ZNF385D: variants seen among roughly 807,000 people sequenced by gnomAD.
ZNF385D encodes zinc finger protein 385D.
Under a neutral mutation model 35.8 loss-of-function variants are expected in ZNF385D, and 15 were observed. That is an observed-to-expected ratio of 0.42 (90% CI 0.28 to 0.64). The LOEUF (loss-of-function observed/expected upper bound fraction) is 0.64, where lower values mean the gene tolerates loss of function less well. Ranked by LOEUF, ZNF385D falls within the 30% of genes least tolerant of loss-of-function variation. ZNF385D has a pLI of 0.23. For synonymous variants in ZNF385D, 212 were observed against 186.8 expected (o/e 1.13, Z -1.10); for missense variants, 474 against 494.6 (o/e 0.96, Z 0.39).
chr3:22,179,437 G>A (rs971712768), intron 2 of ZNF385D, among the ~76,000 whole-genome samples: 2 of 152,250 alleles, frequency 1.3e-5, no homozygotes, highest in African/African-American at 4.8e-5. Flanking sequence ...CACTGATTTT[G>A]TATCCTGAGA....
At chr3:22,056,639 C>G (rs923025983) in intron 3 of ZNF385D, among the ~76,000 whole-genome samples, 1 of 152,178 alleles carries the variant, frequency 6.6e-6, no homozygotes, top group Non-Finnish European at 1.5e-5. Context: ...TGCAGTTTGA[C>G]AGTTTTAATT....
At chr3:21,678,645 C>T (rs9310652) in intron 1 of ZNF385D, among the ~76,000 whole-genome samples, 4 of 151,974 alleles carry the variant, frequency 2.6e-5, no homozygotes, top group Non-Finnish European at 4.4e-5. Context: ...TGCTTTTGAA[C>T]GGACATTAAT....
intron 6 of ZNF385D, among the ~76,000 whole-genome samples, chr3:21,424,300 T>TTTTTATATATATAC (rs1559435508): frequency 2.8e-5 from 2 of 70,476 alleles, no homozygotes; most frequent in African/African-American, 5.3e-5. Context: ...TATATATATA[T>TTTTTATATATATAC]TTATATATAT....
In ZNF385D at chr3:21,482,537, C is replaced by CAA. The variant is rs1464943669; in HGVS notation, c.439+28323_439+28324insTT. ...CAACAGAAGAAGTACTTCCTAATAACACAAACCCAAGAAACCTGGGAGATT... is the reference window on the plus strand; with the variant it reads ...CAACAGAAGAAGTACTTCCTAATAACAAACAAACCCAAGAAACCTGGGAGATT... On this transcript the variant is annotated intron_variant, in intron 4 of 7. Coordinates refer to ENST00000281523, the MANE Select transcript of ZNF385D (RefSeq NM_024697.3). Among the ~76,000 whole-genome samples, 3 of 152,260 alleles carry CAA rather than the reference C, an allele frequency of 2.0e-5. No homozygotes were observed. The East Asian group carries it at 5.8e-4, about 29-fold the overall frequency.
At chr3:21,901,224 G>C (rs192655811) in intron 3 of ZNF385D, among the ~76,000 whole-genome samples, 2 of 152,192 alleles carry the variant, frequency 1.3e-5, no homozygotes, top group African/African-American at 4.8e-5. Flanking sequence ...TGATCCCCCT[G>C]CCTCGGCATC....
intron 2 of ZNF385D, among the ~76,000 whole-genome samples, chr3:22,211,871 A>C (rs1309706375): frequency 6.6e-6 from 1 of 151,974 alleles, no homozygotes; most frequent in Non-Finnish European, 1.5e-5. Context: ...TTCCTATCTA[A>C]ATCTAGTTTG....
At chr3:22,096,353 T>G (rs1024673818) in intron 3 of ZNF385D, among the ~76,000 whole-genome samples, 1 of 133,472 alleles carries the variant, frequency 7.5e-6, no homozygotes, top group Non-Finnish European at 1.7e-5. Flanking sequence ...TAAATACAAA[T>G]TTTTTTAAAA....
chr3:22,107,652 A>T (rs919105700), intron 3 of ZNF385D, among the ~76,000 whole-genome samples: 15 of 152,128 alleles, frequency 9.9e-5, no homozygotes, highest in African/African-American at 3.4e-4. Flanking sequence ...ATGCATTAAA[A>T]TATTAAATAA....
chr3:22,272,861 C>A (rs1247677654), intron 2 of ZNF385D, among the ~76,000 whole-genome samples: 1 of 151,908 alleles, frequency 6.6e-6, no homozygotes, highest in Non-Finnish European at 1.5e-5. Context: ...AGTCTAAGTG[C>A]TCATATAGTT....
chr3:21,441,625 A>C (rs1340152992), intron 4 of ZNF385D: 1 of 905,522 alleles, frequency 1.1e-6, no homozygotes, highest in Non-Finnish European at 1.3e-6. Context: ...CTAAGGTATT[A>C]AGTTGCTTAA....
intron 3 of ZNF385D, among the ~76,000 whole-genome samples, chr3:21,787,855 T>C (rs2071756240): frequency 6.8e-6 from 1 of 146,468 alleles, no homozygotes; most frequent in Admixed American, 7.1e-5. Context: ...GGCAGGAGAA[T>C]GGCGTGAACC....
intron 2 of ZNF385D, among the ~76,000 whole-genome samples, chr3:21,578,338 C>A (rs62236134): frequency 0.2 from 30,402 of 151,942 alleles, 3,815 homozygotes; most frequent in Non-Finnish European, 0.28. Context: ...TTAGTATAAT[C>A]CCATTTCTTT....
intron 3 of ZNF385D, among the ~76,000 whole-genome samples, chr3:21,826,312 G>A (rs1008606549): frequency 1.3e-5 from 2 of 152,162 alleles, no homozygotes; most frequent in African/African-American, 4.8e-5. Flanking sequence ...ACCTGATTGT[G>A]AATTATCCGA....
At chr3:22,023,432 A>G (rs1371818040) in intron 3 of ZNF385D, among the ~76,000 whole-genome samples, 8 of 152,164 alleles carry the variant, frequency 5.3e-5, no homozygotes, top group Admixed American at 5.2e-4. Context: ...GGCATAGACC[A>G]CTAAAAAGGA....
intron 3 of ZNF385D, among the ~76,000 whole-genome samples, chr3:22,034,005 C>T (rs978476975): frequency 9.2e-5 from 14 of 152,096 alleles, no homozygotes; most frequent in Non-Finnish European, 1.3e-4. Context: ...TTTTTTAAAA[C>T]GTAAAGTCCT....
intron 4 of ZNF385D, among the ~76,000 whole-genome samples, chr3:21,502,787 A>G (rs1165396592): frequency 6.6e-6 from 1 of 152,178 alleles, no homozygotes; most frequent in Non-Finnish European, 1.5e-5. Context: ...TGAGAAGGGA[A>G]CACTTGATAA....
intron 3 of ZNF385D, among the ~76,000 whole-genome samples, chr3:22,081,123 C>G (rs968399493): frequency 4.9e-4 from 75 of 152,268 alleles, no homozygotes; most frequent in African/African-American, 1.7e-3. Context: ...TTAATGTCTC[C>G]TATATCCACT....
At chr3:22,250,796 A>C (rs1191160184) in intron 2 of ZNF385D, among the ~76,000 whole-genome samples, 1 of 152,092 alleles carries the variant, frequency 6.6e-6, no homozygotes, top group Non-Finnish European at 1.5e-5. Flanking sequence ...ATGTGCTGTC[A>C]GTGGAGAGTT....
chr3:21,690,958 C>A (rs929075340), intron 1 of ZNF385D, among the ~76,000 whole-genome samples: 1 of 152,154 alleles, frequency 6.6e-6, no homozygotes, highest in African/African-American at 2.4e-5. Flanking sequence ...TGGCGTTCTA[C>A]CCTCGGATAG....
Sources: allele counts gnomAD v4.1 joint callset (sites outside exome capture counted in the v4.1 genomes callset), GRCh38; gene constraint gnomAD v4.1.1; transcripts MANE v1.5; gene names NCBI Gene and HGNC (gene_info 2026-07-23, HGNC 2026-07-21).